STK38L: variants seen among roughly 807,000 people sequenced by gnomAD.
STK38L encodes the protein serine/threonine kinase 38 like.
Under a neutral mutation model 59.7 loss-of-function variants are expected in STK38L, and 28 were observed. The observed-to-expected ratio is 0.47, with a 90% confidence interval of 0.35 to 0.64. The LOEUF is 0.64. Ranked by LOEUF, STK38L falls within the 30% of genes least tolerant of loss-of-function variation. The pLI, the probability that STK38L is intolerant of heterozygous loss-of-function variation, is 0.01. For missense variants in STK38L, 314 were observed against 555.8 expected (o/e 0.56, Z 4.37); for synonymous variants, 162 against 176.8 (o/e 0.92, Z 0.66).
Position 27,297,700 on chromosome 12 carries a change from G to GTTGT in STK38L, c.-11-7_-11-4dup. 1 of 1,597,824 alleles carries GTTGT rather than the reference G, an allele frequency of 6.3e-7. No homozygotes were observed. The highest frequency in any genetic ancestry group is 8.5e-7 in the Non-Finnish European group (1 of 1,172,738). The stretch of plus-strand genomic sequence containing the variant: ...CCCACTGAATAATTTGTTTTTCTAT[G>GTTGT]TTGTTTCAGTTTCCGTTACTATGGC... On this transcript the variant is annotated splice_polypyrimidine_tract_variant and intron_variant, in intron 1 of 13. Coordinates refer to ENST00000389032, the MANE Select transcript of STK38L (RefSeq NM_015000.4).
chr12:27,300,588 T>G (rs1427642446), intron 2 of STK38L: 1 of 456,074 alleles, frequency 2.2e-6, no homozygotes, highest in Admixed American at 2.3e-5. Flanking sequence ...CAAGCAGCAC[T>G]GAAGTGCCTA....
intron 1 of STK38L, among the ~76,000 whole-genome samples, chr12:27,286,933 T>C (rs1296243366): frequency 3.9e-5 from 6 of 152,312 alleles, no homozygotes; most frequent in South Asian, 2.1e-4. Flanking sequence ...ACTAGTAAAA[T>C]TGAACATTTT....
intron 1 of STK38L, among the ~76,000 whole-genome samples, chr12:27,257,859 T>A (rs1206824712): frequency 1.3e-5 from 2 of 148,196 alleles, no homozygotes; most frequent in Non-Finnish European, 3.0e-5. Context: ...TTAATTTATG[T>A]CAAGCTTTTT....
intron 1 of STK38L, among the ~76,000 whole-genome samples, chr12:27,294,031 T>G (rs1477780278): frequency 6.6e-6 from 1 of 152,230 alleles, no homozygotes; most frequent in African/African-American, 2.4e-5. Context: ...TGTTGCTCTT[T>G]AATGGTACTT....
At chr12:27,311,909 C>T (rs1162656292) in intron 5 of STK38L, among the ~76,000 whole-genome samples, 1 of 151,148 alleles carries the variant, frequency 6.6e-6, no homozygotes, top group Non-Finnish European at 1.5e-5. Flanking sequence ...GAGATGGAGT[C>T]TCGTTCTGTC....
At chr12:27,280,292 T>C (rs532379260) in intron 1 of STK38L, among the ~76,000 whole-genome samples, 1 of 152,318 alleles carries the variant, frequency 6.6e-6, no homozygotes, top group Non-Finnish European at 1.5e-5. Flanking sequence ...TGAAAGAGAA[T>C]CAAAGTCAGT....
chr12:27,286,235 A>C (rs1187694125), intron 1 of STK38L, among the ~76,000 whole-genome samples: 1 of 152,138 alleles, frequency 6.6e-6, no homozygotes, highest in African/African-American at 2.4e-5. Flanking sequence ...GAAAAGTGCA[A>C]CTTGATTCCC....
chr12:27,322,265 T>C (rs757040160), intron 13 of STK38L, 31 bp downstream of exon 13: 49 of 1,613,158 alleles, frequency 3.0e-5, no homozygotes, highest in Non-Finnish European at 4.0e-5. Flanking sequence ...ACTAACCCTA[T>C]TAAAAGTCTT....
chr12:27,320,582 C>T (rs1565558984), intron 12 of STK38L, among the ~76,000 whole-genome samples: 1 of 151,394 alleles, frequency 6.6e-6, no homozygotes, highest in Non-Finnish European at 1.5e-5. Context: ...GCCTAGCCCA[C>T]TCTGCCTGTT....
intron 1 of STK38L, among the ~76,000 whole-genome samples, chr12:27,279,458 C>T (rs1293888062): frequency 1.3e-5 from 2 of 151,992 alleles, no homozygotes; most frequent in Non-Finnish European, 2.9e-5. Context: ...GGCTTGGTGG[C>T]TCACGCCTGT....
At chr12:27,271,619 G>C (rs1943424917) in intron 1 of STK38L, among the ~76,000 whole-genome samples, 1 of 152,206 alleles carries the variant, frequency 6.6e-6, no homozygotes, top group African/African-American at 2.4e-5. Flanking sequence ...CTGTGCAGTT[G>C]AGATAGAGCC....
chr12:27,267,737 T>G (rs3927061), intron 1 of STK38L, among the ~76,000 whole-genome samples: 129,118 of 151,506 alleles, frequency 0.85, 55,220 homozygotes, highest in Non-Finnish European at 0.89. Flanking sequence ...TTCTTCCTCA[T>G]TCGAAACTAG....
chr12:27,297,398 T>C (rs1944050836), intron 1 of STK38L, among the ~76,000 whole-genome samples: 1 of 152,244 alleles, frequency 6.6e-6, no homozygotes, highest in Non-Finnish European at 1.5e-5. Flanking sequence ...TAGCTGGAAC[T>C]TTTCTTGTTT....
At chr12:27,304,591 T>A (rs1427771785) in intron 3 of STK38L, among the ~76,000 whole-genome samples, 1 of 152,140 alleles carries the variant, frequency 6.6e-6, no homozygotes, top group African/African-American at 2.4e-5. Context: ...TGTATTCCAA[T>A]CTATAGAGAA....
At chr12:27,304,443 T>C (rs1455106798) in intron 3 of STK38L, among the ~76,000 whole-genome samples, 1 of 152,106 alleles carries the variant, frequency 6.6e-6, no homozygotes, top group South Asian at 2.1e-4. Flanking sequence ...GTGGTAACTT[T>C]GTTAATCAGT....
chr12:27,267,500 G>A (rs1943324507), intron 1 of STK38L, among the ~76,000 whole-genome samples: 1 of 152,190 alleles, frequency 6.6e-6, no homozygotes, highest in Non-Finnish European at 1.5e-5. Context: ...TCGAACTCCT[G>A]GTCTCAAGCC....
At chr12:27,269,629 T>C (rs1943375884) in intron 1 of STK38L, among the ~76,000 whole-genome samples, 1 of 152,198 alleles carries the variant, frequency 6.6e-6, no homozygotes, top group South Asian at 2.1e-4. Flanking sequence ...TTCTGTGTCA[T>C]AACCCAGACC....
intron 1 of STK38L, among the ~76,000 whole-genome samples, chr12:27,274,187 A>G (rs1227800312): frequency 6.6e-6 from 1 of 151,540 alleles, no homozygotes; most frequent in East Asian, 1.9e-4. Context: ...CAGGAGGCCA[A>G]GAGCGCGCCA....
At chr12:27,244,987 G>A (rs1309061189) in intron 1 of STK38L, among the ~76,000 whole-genome samples, 1 of 152,188 alleles carries the variant, frequency 6.6e-6, no homozygotes, top group East Asian at 1.9e-4. Flanking sequence ...TGGTGTGGGA[G>A]TAGAAAAGAG....
Sources: allele counts gnomAD v4.1 joint callset (sites outside exome capture counted in the v4.1 genomes callset), GRCh38; gene constraint gnomAD v4.1.1; transcripts MANE v1.5; gene names NCBI Gene and HGNC (gene_info 2026-07-23, HGNC 2026-07-21).